Variants in DIP2B observed in about 807,000 individuals in gnomAD.
The protein encoded by DIP2B is disco-interacting protein 2 homolog B.
DIP2B carries 76 observed loss-of-function variants against 198.0 expected under a neutral mutation model. The observed-to-expected ratio is 0.38, with a 90% CI of 0.32 to 0.46. DIP2B has a LOEUF of 0.46. DIP2B is among the 20% of genes least tolerant of loss of function. The probability of loss-of-function intolerance (pLI) is 0.99; values close to 1 mark genes in which losing one functional copy is unlikely to be tolerated. For missense variants in DIP2B, 1,559 were observed against 1,978.4 expected (o/e 0.79, Z 4.02); for synonymous variants, 701 against 739.1 (o/e 0.95, Z 0.84).
At chr12:50,662,005 G>A (rs560948718) in intron 4 of DIP2B, among the ~76,000 whole-genome samples, 15 of 152,248 alleles carry the variant, frequency 9.9e-5, no homozygotes, top group Admixed American at 9.2e-4. Flanking sequence ...GAAACAAATC[G>A]CAGCTGTTCA....
chr12:50,643,879 A>G (rs919869629), intron 3 of DIP2B, among the ~76,000 whole-genome samples: 6 of 152,200 alleles, frequency 3.9e-5, no homozygotes, highest in African/African-American at 1.4e-4. Flanking sequence ...AGTCATAGAA[A>G]GGGTTACATT....
rs71083581 is a variant in DIP2B, at chr12:50,511,291, A to ATTTTTTTTTTTTTTTTTTTTTT, written c.100+6072_100+6073insTTTTTTTTTTTTTTTTTTTTTT. 4.6e-5 allele frequency among the ~76,000 whole-genome samples: 3 copies of ATTTTTTTTTTTTTTTTTTTTTT among 64,664 alleles called. 1 individual carries two copies. Among genetic ancestry groups the ATTTTTTTTTTTTTTTTTTTTTT allele is most frequent in the Non-Finnish European group, 5.3e-5 (2 of 37,680 alleles). The allele number at this position is 64,664 out of a possible 152,430, so 42.4% of individuals were successfully genotyped here. The stretch of plus-strand genomic sequence containing the variant: ...CCTATCCCTGACCAGTGTGATTTCT[A>ATTTTTTTTTTTTTTTTTTTTTT]TTTTTTTTTTTTTTTTTTTTTGAGA... On this transcript the variant is annotated intron_variant, in intron 1 of 37. Transcript: ENST00000301180.
At chr12:50,519,253 T>C (rs1051335651) in intron 1 of DIP2B, among the ~76,000 whole-genome samples, 1 of 152,150 alleles carries the variant, frequency 6.6e-6, no homozygotes, top group African/African-American at 2.4e-5. Flanking sequence ...ATGTGACTTT[T>C]ATTTCTTTTC....
At chr12:50,587,263 T>A (rs758837981) in intron 1 of DIP2B, among the ~76,000 whole-genome samples, 9 of 152,194 alleles carry the variant, frequency 5.9e-5, no homozygotes, top group Non-Finnish European at 8.8e-5. Flanking sequence ...CCCTTTTCTC[T>A]TCTGTGAACC....
intron 1 of DIP2B, among the ~76,000 whole-genome samples, chr12:50,509,295 G>A (rs1191156772): frequency 6.6e-6 from 1 of 152,186 alleles, no homozygotes; most frequent in Non-Finnish European, 1.5e-5. Context: ...AGATTGGATT[G>A]TGTGGCTAGT....
chr12:50,655,677 T>G (rs1344436807), intron 3 of DIP2B, among the ~76,000 whole-genome samples: 3 of 152,220 alleles, frequency 2.0e-5, no homozygotes, highest in Non-Finnish European at 4.4e-5. Flanking sequence ...TTTTTCATAT[T>G]GACGTAAGAT....
intron 1 of DIP2B, among the ~76,000 whole-genome samples, chr12:50,525,380 G>A (rs1371503104): frequency 1.3e-5 from 2 of 148,552 alleles, no homozygotes; most frequent in African/African-American, 5.0e-5. Flanking sequence ...AAAAAATACA[G>A]AGAATACCGG....
chr12:50,573,768 G>A (rs956180561), intron 1 of DIP2B, among the ~76,000 whole-genome samples: 1 of 152,102 alleles, frequency 6.6e-6, no homozygotes, highest in Non-Finnish European at 1.5e-5. Flanking sequence ...CCCTTCTTCA[G>A]ACTAAAAATG....
intron 1 of DIP2B, among the ~76,000 whole-genome samples, chr12:50,555,169 A>C (rs1469379953): frequency 1.3e-5 from 2 of 152,152 alleles, no homozygotes; most frequent in Admixed American, 6.6e-5. Flanking sequence ...CCCTTCTAGA[A>C]AATAACTGCA....
At chr12:50,544,731 C>G (rs1366735704) in intron 1 of DIP2B, among the ~76,000 whole-genome samples, 4 of 151,938 alleles carry the variant, frequency 2.6e-5, no homozygotes, top group Non-Finnish European at 5.9e-5. Flanking sequence ...AATTCTCCTG[C>G]CTCAGCCTCC....
intron 1 of DIP2B, among the ~76,000 whole-genome samples, chr12:50,558,326 A>G (rs916945103): frequency 1.8e-4 from 28 of 152,228 alleles, no homozygotes; most frequent in Admixed American, 6.5e-4. Context: ...AATAGGAAAA[A>G]CAAAATAGGT....
chr12:50,699,885 A>C (rs866758806), intron 19 of DIP2B, among the ~76,000 whole-genome samples: 3 of 91,148 alleles, frequency 3.3e-5, no homozygotes, highest in African/African-American at 1.2e-4. Flanking sequence ...ACACACACAC[A>C]CACAACAAAA....
chr12:50,723,285 C>T lies in DIP2B; in HGVS notation c.3250C>T (p.Leu1084Phe). The T allele has an allele frequency of 6.2e-7, 1 of 1,614,074 alleles. No homozygotes were observed. The highest frequency in any genetic ancestry group is 2.2e-5 in the East Asian group (1 of 44,902). ...VTVRPPHAQN[L>F]TATLPTVRMI... Reference sequence around the variant, plus strand: ...CGTCAGACCTCCACATGCTCAGAACCTCACGGCCACGCTGCCCACTGTCCG... The same window carrying T: ...CGTCAGACCTCCACATGCTCAGAACTTCACGGCCACGCTGCCCACTGTCCG... The change falls in exon 27 of 38, where the codon CTC (leucine) becomes TTC (phenylalanine). Residue 1084 changes from leucine to phenylalanine, a missense_variant. Coordinates refer to ENST00000301180, the MANE Select transcript of DIP2B (RefSeq NM_173602.3).
At position 50,626,036 on chromosome 12, in the gene DIP2B, C is replaced by T. The variant is rs754872797; in HGVS notation, c.161C>T (p.Pro54Leu). Residue 54 changes from proline to leucine, a missense_variant, in exon 2 of 38, where the codon CCG (proline) becomes CTG (leucine). Coordinates refer to ENST00000301180, the MANE Select transcript of DIP2B (RefSeq NM_173602.3). ...KRSKLLSPYSPQTQETDSAVQ... is the reference protein window; with the variant it reads ...KRSKLLSPYSLQTQETDSAVQ... ...TCCAAACTCCTATCTCCTTACAGCC[C>T]GCAGACACAAGGTAGGCAATAAAAA... The T allele has an allele frequency of 9.3e-6, 15 of 1,613,884 alleles. No homozygotes were observed. The highest frequency in any genetic ancestry group is 2.7e-5 in the African/African-American group (2 of 75,004).
intron 4 of DIP2B, among the ~76,000 whole-genome samples, chr12:50,664,150 C>T (rs1938705504): frequency 6.6e-6 from 1 of 152,080 alleles, no homozygotes; most frequent in East Asian, 1.9e-4. Flanking sequence ...AATTACTGAA[C>T]TGATGAAAAT....
chr12:50,636,975 C>G (rs529381017), intron 2 of DIP2B, among the ~76,000 whole-genome samples: 49 of 152,254 alleles, frequency 3.2e-4, no homozygotes, highest in African/African-American at 1.2e-3. Context: ...CTTGCCTTCT[C>G]TAGGCGGTGA....
intron 4 of DIP2B, among the ~76,000 whole-genome samples, chr12:50,662,051 A>G (rs532260998): frequency 6.6e-6 from 1 of 152,344 alleles, no homozygotes; most frequent in South Asian, 2.1e-4. Context: ...GAAATTAACT[A>G]TAGGCCTCTG....
intron 3 of DIP2B, among the ~76,000 whole-genome samples, chr12:50,655,816 C>A (rs780405118): frequency 6.6e-6 from 1 of 152,068 alleles, no homozygotes; most frequent in Non-Finnish European, 1.5e-5. Flanking sequence ...TCCATCTCTA[C>A]CAAAAATACA....
intron 1 of DIP2B, among the ~76,000 whole-genome samples, chr12:50,530,671 AAAG>A (rs1366020802): frequency 6.6e-6 from 1 of 152,320 alleles, no homozygotes; most frequent in Non-Finnish European, 1.5e-5. Context: ...GAGGGAATGA[AAAG>A]AAGTATTTAA....
Sources: allele counts gnomAD v4.1 joint callset (sites outside exome capture counted in the v4.1 genomes callset), GRCh38; gene constraint gnomAD v4.1.1; transcripts MANE v1.5; gene names NCBI Gene and HGNC (gene_info 2026-07-23, HGNC 2026-07-21).